ALKBH5: variants seen among roughly 807,000 people sequenced by gnomAD.
The protein encoded by ALKBH5 is alkB homolog 5, RNA demethylase.
A neutral mutation model predicts 32.1 loss-of-function variants in ALKBH5; 2 were observed. The ratio of observed to expected loss-of-function variants is 0.06; its 90% CI spans 0.03 to 0.20. The LOEUF (loss-of-function observed/expected upper bound fraction) is 0.20, where lower values mean the gene tolerates loss of function less well. ALKBH5 is among the 10% of genes least tolerant of loss of function. The pLI is 1.00. For missense variants in ALKBH5, 352 were observed against 559.5 expected (o/e 0.63, Z 3.74); for synonymous variants, 300 against 231.7 (o/e 1.29, Z -2.68).
intron 1 of ALKBH5, 132 bp downstream of exon 1, chr17:18,185,145 G>A: frequency 6.9e-7 from 1 of 1,443,094 alleles, no homozygotes; most frequent in Non-Finnish European, 9.2e-7. Flanking sequence ...GTAGATTGTA[G>A]GGAGCGAGAG....
chr17:18,206,803 T>C lies in ALKBH5; in HGVS notation c.852-12T>C. 6.2e-7 allele frequency: 1 copy of C among 1,613,562 alleles called. No homozygotes were observed. Among genetic ancestry groups the C allele is most frequent in the Non-Finnish European group, 8.5e-7 (1 of 1,179,612 alleles). On this transcript the variant is annotated splice_polypyrimidine_tract_variant and intron_variant, in intron 2 of 3. Transcript: ENST00000399138. Reference sequence around the variant, plus strand: ...AGGCCCTTTGGTGACCCCATGCATGTTTCCTTTGCAGGACAAGATTAGATG... The same window carrying C: ...AGGCCCTTTGGTGACCCCATGCATGCTTCCTTTGCAGGACAAGATTAGATG...
intron 1 of ALKBH5, among the ~76,000 whole-genome samples, chr17:18,192,007 G>A (rs1026014697): frequency 5.9e-5 from 9 of 151,718 alleles, no homozygotes; most frequent in Non-Finnish European, 1.3e-4. Context: ...AGTATTGTGT[G>A]TCTATATGGG....
At position 18,189,237 on chromosome 17, in the gene ALKBH5, C is replaced by T. The variant is rs562305875; in HGVS notation, c.770+4224C>T. Among the ~76,000 whole-genome samples, 12 of 152,098 alleles carry T rather than the reference C, an allele frequency of 7.9e-5. No individual in the cohort carries two copies. The South Asian group carries it at 2.5e-3, about 32-fold the overall frequency. ...CTAAAAATACAAAAAACAAAATTAG[C>T]TGGGTGTGGTGGCGGGCGCCTGTAG... On this transcript the variant is annotated intron_variant, in intron 1 of 3. Transcript: ENST00000399138.
chr17:18,185,720 C>G (rs550903427), intron 1 of ALKBH5, among the ~76,000 whole-genome samples: 1 of 152,238 alleles, frequency 6.6e-6, no homozygotes, highest in African/African-American at 2.4e-5. Flanking sequence ...GTTGCGTGAG[C>G]AGCAGAACTT....
intron 2 of ALKBH5, among the ~76,000 whole-genome samples, chr17:18,202,319 C>T (rs1567676901): frequency 1.3e-5 from 2 of 151,186 alleles, no homozygotes; most frequent in Non-Finnish European, 1.5e-5. Flanking sequence ...AAACAAAAAA[C>T]AAAAAACAAA....
chr17:18,208,188 C>A, intron 3 of ALKBH5, 31 bp from the exon 4 acceptor site: 1 of 1,573,982 alleles, frequency 6.4e-7, no homozygotes, highest in Non-Finnish European at 8.6e-7. Flanking sequence ...GCCAGCCTCT[C>A]AGATAACGTC....
intron 2 of ALKBH5, among the ~76,000 whole-genome samples, chr17:18,204,727 G>A (rs1307747789): frequency 6.6e-6 from 1 of 152,040 alleles, no homozygotes; most frequent in Admixed American, 6.6e-5. Flanking sequence ...CAGCCTGGGC[G>A]ACAGAAGGAG....
chr17:18,188,683 A>G (rs1292252577), intron 1 of ALKBH5, among the ~76,000 whole-genome samples: 1 of 152,202 alleles, frequency 6.6e-6, no homozygotes, highest in African/African-American at 2.4e-5. Context: ...AGAGCCTGAC[A>G]AGGCAGAGGG....
intron 2 of ALKBH5, among the ~76,000 whole-genome samples, chr17:18,199,167 C>T (rs1207508322): frequency 2.0e-5 from 3 of 152,188 alleles, no homozygotes; most frequent in African/African-American, 7.2e-5. Context: ...GGTGAGGCAG[C>T]AGCTACAGGC....
chr17:18,186,862 C>T (rs994601198), intron 1 of ALKBH5, among the ~76,000 whole-genome samples: 3 of 152,086 alleles, frequency 2.0e-5, no homozygotes, highest in Non-Finnish European at 4.4e-5. Flanking sequence ...ATCTTGTAGG[C>T]GTTCTCTGAG....
intron 1 of ALKBH5, among the ~76,000 whole-genome samples, chr17:18,191,124 A>G (rs1333714493): frequency 6.6e-6 from 1 of 152,228 alleles, no homozygotes; most frequent in Non-Finnish European, 1.5e-5. Context: ...GCCGACTGAG[A>G]CTTTCAGACA....
intron 2 of ALKBH5, among the ~76,000 whole-genome samples, chr17:18,205,854 A>G (rs1292486458): frequency 3.3e-5 from 5 of 152,196 alleles, no homozygotes; most frequent in Non-Finnish European, 7.3e-5. Flanking sequence ...CTCCTTCGGA[A>G]CTAAGTTACT....
At chr17:18,201,593 A>G (rs761512370) in intron 2 of ALKBH5, among the ~76,000 whole-genome samples, 2 of 152,106 alleles carry the variant, frequency 1.3e-5, no homozygotes, top group Non-Finnish European at 2.9e-5. Context: ...CCCCATCTCT[A>G]CTAAAATACA....
chr17:18,206,620 T>G (rs2047270250), intron 2 of ALKBH5, 195 bp from the exon 3 acceptor site: 7 of 620,798 alleles, frequency 1.1e-5, no homozygotes, highest in Non-Finnish European at 2.0e-5. Context: ...CTCCTAAAGG[T>G]GGACTTGAGG....
intron 2 of ALKBH5, among the ~76,000 whole-genome samples, chr17:18,197,508 G>C (rs1346362184): frequency 2.0e-5 from 3 of 152,222 alleles, no homozygotes; most frequent in Admixed American, 6.5e-5. Flanking sequence ...AACTTCCCAA[G>C]AGTTCCTCTC....
Position 18,184,315 on chromosome 17 carries a change from G to A in ALKBH5, c.72G>A (p.Lys24=), listed in dbSNP as rs1438312063. ...LKSMTSRDNY[K]AGSREAAAAA... ...CCATGACGTCCCGGGACAACTATAAGGCGGGCAGCCGGGAGGCCGCCGCCG... is the reference window on the plus strand; with the variant it reads ...CCATGACGTCCCGGGACAACTATAAAGCGGGCAGCCGGGAGGCCGCCGCCG... The change falls in exon 1 of 4, where the codon AAG becomes AAA. Residue 24 remains lysine, a synonymous_variant. Transcript: ENST00000399138. 5.3e-6 allele frequency: 8 copies of A among 1,520,036 alleles called. No homozygotes were observed. Among genetic ancestry groups the A allele is most frequent in the East Asian group, 2.6e-5 (1 of 38,860 alleles). 94.2% of individuals were successfully genotyped at this position (1,520,036 alleles called of 1,614,324 possible). A position where few individuals can be genotyped will look rare whatever the true frequency, so the allele number is the denominator to read the frequency against.
chr17:18,201,568 G>C (rs1366021888), intron 2 of ALKBH5, among the ~76,000 whole-genome samples: 1 of 152,072 alleles, frequency 6.6e-6, no homozygotes, highest in Non-Finnish European at 1.5e-5. Flanking sequence ...GACCACCCTG[G>C]GCAACATGGT....
At position 18,208,407 on chromosome 17, in the gene ALKBH5, C is replaced by T. The variant is rs551038789; in HGVS notation, c.*11C>T. On this transcript the variant is annotated 3_prime_UTR_variant, in exon 4 of 4. Coordinates refer to ENST00000399138, the MANE Select transcript of ALKBH5 (RefSeq NM_017758.4). ...ATGCGGCGGCACTGAGTCTACCCGC[C>T]GCCCTCCTGGGAACTCTGGCTCATC... The T allele has an allele frequency of 6.8e-6, 11 of 1,611,174 alleles. No individual in the cohort carries two copies. The highest frequency in any genetic ancestry group is 2.2e-5 in the South Asian group (2 of 90,832).
intron 2 of ALKBH5, among the ~76,000 whole-genome samples, chr17:18,204,223 G>A (rs564737370): frequency 1.6e-3 from 238 of 152,256 alleles, no homozygotes; most frequent in Non-Finnish European, 2.7e-3. Context: ...AAGCCAGGAC[G>A]GGCAGATCAC....
Sources: gnomAD v4.1 joint callset for allele counts (sites outside exome capture counted in the v4.1 genomes callset) on GRCh38, gnomAD v4.1.1 for gene constraint, MANE v1.5 for transcripts, NCBI Gene and HGNC (gene_info 2026-07-23, HGNC 2026-07-21) for gene names.